COMMD5: variants seen among roughly 807,000 people sequenced by gnomAD.
The protein encoded by COMMD5 is COMM domain containing 5.
Under a neutral mutation model 6.9 loss-of-function variants are expected in COMMD5, and 10 were observed. That is an observed-to-expected ratio of 1.44 (90% CI 0.89 to 2.45). The LOEUF is 2.45. Ranked by LOEUF, COMMD5 falls within the 30% of genes most tolerant of loss-of-function variation. The pLI, the probability that COMMD5 is intolerant of heterozygous loss-of-function variation, is 0.00. For missense variants in COMMD5, 234 were observed against 287.8 expected (o/e 0.81, Z 1.35); for synonymous variants, 127 against 125.3 (o/e 1.01, Z -0.09).
chr8:144,838,858 T>C (rs1165981987), downstream of COMMD5: 2 of 142,270 alleles, frequency 1.4e-5, no homozygotes, highest in African/African-American at 2.6e-5. Context: ...AGGAGAATGG[T>C]GTGAGCCCAG....
At chr8:144,846,107 TCTC>T (rs138139928), downstream of COMMD5, 6,955 of 1,536,426 alleles carry the variant, frequency 4.5e-3, 272 homozygotes, top group African/African-American at 0.087. Context: ...GCTCTCGTCA[TCTC>T]CTCTTGGCCA....
At position 144,843,450 on chromosome 8, in the gene COMMD5, T is replaced by G. The variant is rs183377118; in HGVS notation, c.*117-1707A>C. ...AAAAATACAAAAATTTAGCTGGGCG[T>G]GGTGGCAGGCACCTGTGGTCCCAGC... is the stretch of plus-strand genomic sequence containing the variant. On this transcript the variant is annotated intron_variant and NMD_transcript_variant, in intron 1 of 1. Transcript: ENST00000530332. 1.5e-4 allele frequency: 39 copies of G among 255,208 alleles called. No homozygotes were observed. The East Asian group carries it at 2.4e-3, about 15-fold the overall frequency. The allele number at this position is 255,208 out of a possible 1,614,324, so 15.8% of individuals were successfully genotyped here. A position where few individuals can be genotyped will look rare whatever the true frequency, so the allele number is the denominator to read the frequency against.
At chr8:144,842,178 TG>T (rs779797260) in intron 1 of COMMD5, 1 of 1,614,000 alleles carries the variant, frequency 6.2e-7, no homozygotes, top group Non-Finnish European at 8.5e-7. Context: ...GAACTCACAC[TG>T]GGGAGAGGCC....
downstream of COMMD5, chr8:144,847,633 AT>A (rs1456947040): frequency 6.6e-6 from 1 of 152,176 alleles, no homozygotes; most frequent in East Asian, 1.9e-4. Flanking sequence ...GGTCCAGGCC[AT>A]TTTATAAATC....
downstream of COMMD5, among the ~76,000 whole-genome samples, chr8:144,839,750 C>T (rs1445328552): frequency 6.6e-6 from 1 of 152,220 alleles, no homozygotes; most frequent in Non-Finnish European, 1.5e-5. Context: ...AGATATGTTA[C>T]TTGTCCCCAG....
At chr8:144,842,162 A>G (rs1258204660) in intron 1 of COMMD5, 1 of 1,614,152 alleles carries the variant, frequency 6.2e-7, no homozygotes, top group South Asian at 1.1e-5. Flanking sequence ...CTGGTTAGAC[A>G]CCAGAGAACT....
intron 1 of COMMD5, 39 bp from the exon 2 acceptor site, chr8:144,851,434 C>G (rs1830741022): frequency 7.2e-7 from 1 of 1,388,292 alleles, no homozygotes; most frequent in Non-Finnish European, 9.9e-7. Context: ...GTGACTCTCA[C>G]ATCCTTTGGG....
At chr8:144,847,379 A>G (rs1422166302), downstream of COMMD5, 1 of 152,200 alleles carries the variant, frequency 6.6e-6, no homozygotes, top group Non-Finnish European at 1.5e-5. Flanking sequence ...GAGTTCGGAG[A>G]CCACAGTGAG....
At chr8:144,839,799 C>T (rs1453757082), downstream of COMMD5, among the ~76,000 whole-genome samples, 1 of 152,176 alleles carries the variant, frequency 6.6e-6, no homozygotes, top group African/African-American at 2.4e-5. Flanking sequence ...GATATTGGCC[C>T]AGAGCAGTGG....
chr8:144,846,236 C>A, downstream of COMMD5: 3 of 1,483,380 alleles, frequency 2.0e-6, no homozygotes, highest in Admixed American at 2.1e-5. Context: ...CAGCAACCAG[C>A]CAAAAAGGGG....
intron 1 of COMMD5, chr8:144,843,769 G>A (rs1443216066): frequency 1.3e-5 from 2 of 152,186 alleles, no homozygotes; most frequent in Non-Finnish European, 2.9e-5. Context: ...TACGAGCGCT[G>A]CTAGACTGAG....
downstream of COMMD5, chr8:144,846,529 A>C: frequency 4.7e-6 from 1 of 210,980 alleles, no homozygotes; most frequent in Non-Finnish European, 9.7e-6. Flanking sequence ...TTGGAAAATG[A>C]CTTCATGCCC....
downstream of COMMD5, among the ~76,000 whole-genome samples, chr8:144,849,503 C>T (rs187192805): frequency 8.3e-4 from 126 of 152,260 alleles, no homozygotes; most frequent in African/African-American, 3.0e-3. Context: ...GACAAACAGC[C>T]AAGCAACCCC....
Position 144,842,620 on chromosome 8 carries a change from G to A in COMMD5, c.*117-877C>T, listed in dbSNP as rs572997816. Reference sequence around the variant, plus strand: ...CTATGTGTGTAATGACTGTGGAAAAGCCTTCAGTCAGAGTTCCAGCCTTAT... The same window carrying A: ...CTATGTGTGTAATGACTGTGGAAAAACCTTCAGTCAGAGTTCCAGCCTTAT... On this transcript the variant is annotated intron_variant and NMD_transcript_variant, in intron 1 of 1. Transcript: ENST00000530332. The A allele has an allele frequency of 2.3e-5, 37 of 1,614,190 alleles. No individual in the cohort carries two copies. The East Asian group carries it at 8.0e-4, about 35-fold the overall frequency.
chr8:144,845,859 G>C, downstream of COMMD5: 1 of 931,228 alleles, frequency 1.1e-6, no homozygotes, highest in Admixed American at 2.4e-5. Flanking sequence ...GAGTATGTGT[G>C]CAGTGTCCCT....
At chr8:144,850,118 C>T (rs1830669672), downstream of COMMD5, 1 of 154,480 alleles carries the variant, frequency 6.5e-6, no homozygotes, top group Non-Finnish European at 1.4e-5. This position sits in a 1 kb window ranked among gnomAD's most constrained non-coding sequence, Gnocchi z 4.0. Context: ...AAGGTCGCCC[C>T]ATCAGCACGC....
chr8:144,843,294 AAT>A (rs1183670944), intron 1 of COMMD5: 1 of 1,228,730 alleles, frequency 8.1e-7, no homozygotes, highest in Non-Finnish European at 1.1e-6. Flanking sequence ...TGCTCTCAAG[AAT>A]ATCCAACTTC....
At chr8:144,842,923 G>A (rs751787394) in intron 1 of COMMD5, 1 of 1,614,172 alleles carries the variant, frequency 6.2e-7, no homozygotes, top group South Asian at 1.1e-5. Context: ...ACACACTAGG[G>A]CCCAGTGGTT....
chr8:144,842,722 C>T, intron 1 of COMMD5: 1 of 1,614,108 alleles, frequency 6.2e-7, no homozygotes, highest in Non-Finnish European at 8.5e-7. Context: ...TATGAGCACA[C>T]AGCTTACAAT....
Sources: allele counts gnomAD v4.1 joint callset (sites outside exome capture counted in the v4.1 genomes callset), GRCh38; gene constraint gnomAD v4.1.1; non-coding constraint Gnocchi (gnomAD v3.1); transcripts MANE v1.5; gene names NCBI Gene and HGNC (gene_info 2026-07-23, HGNC 2026-07-21).